The following NETO1 variants were observed in gnomAD, a reference collection of about 807,000 sequenced individuals.
NETO1 encodes the protein neuropilin and tolloid-like protein 1.
Under a neutral mutation model 61.3 loss-of-function variants are expected in NETO1, and 26 were observed. That is an observed-to-expected ratio of 0.42 (90% confidence interval 0.31 to 0.59). The LOEUF is 0.59. Among genes scored for constraint, NETO1 ranks in the 20% least tolerant of loss-of-function variants. NETO1 has a pLI of 0.12. For missense variants in NETO1, 531 were observed against 662.8 expected (o/e 0.80, Z 2.18); for synonymous variants, 225 against 225.8 (o/e 1.00, Z 0.03).
chr18:72,760,825 C>T (rs148726755), intron 7 of NETO1, among the ~76,000 whole-genome samples: 50 of 152,222 alleles, frequency 3.3e-4, no homozygotes, highest in African/African-American at 1.0e-3. Flanking sequence ...GATTTTCCAA[C>T]GTGAGTTACG....
chr18:72,754,496 T>TG (rs767753098), intron 8 of NETO1, among the ~76,000 whole-genome samples: 1 of 151,938 alleles, frequency 6.6e-6, no homozygotes, highest in Non-Finnish European at 1.5e-5. Context: ...AAAAGAAGAA[T>TG]GGAAACCAAA....
intron 6 of NETO1, among the ~76,000 whole-genome samples, chr18:72,788,526 A>G (rs1305912833): frequency 5.9e-5 from 9 of 152,116 alleles, no homozygotes; most frequent in Non-Finnish European, 7.4e-5. Flanking sequence ...TATTTAATGT[A>G]GCAAACTACA....
At chr18:72,867,145 G>A in intron 1 of NETO1, 119 bp downstream of exon 1, 1 of 687,064 alleles carries the variant, frequency 1.5e-6, no homozygotes, top group East Asian at 3.4e-5. Context: ...CCCGACCCGC[G>A]CGGGACTGCA....
At chr18:72,749,999 A>G in intron 9 of NETO1, 63 bp downstream of exon 9, 24 of 1,229,562 alleles carry the variant, frequency 2.0e-5, no homozygotes, top group Non-Finnish European at 2.7e-5. Flanking sequence ...ATAGAAGACA[A>G]TACTCTGGAA....
chr18:72,744,068 G>A lies in NETO1; in HGVS notation c.*4111C>T, dbSNP rs2070381276. 1 of 152,138 alleles carries A rather than the reference G, an allele frequency of 6.6e-6. No individual in the cohort carries two copies. The highest frequency in any genetic ancestry group is 2.1e-4 in the South Asian group (1 of 4,830). The allele number at this position is 152,138 out of a possible 1,614,324, so 9.4% of individuals were successfully genotyped here. ...AATACACAAGTCCAAAGCAGGTTGA[G>A]TTTATTTTTCCTACCTCTGAGGAAC... On this transcript the variant is annotated 3_prime_UTR_variant, in exon 11 of 11. Transcript: ENST00000327305.
intron 1 of NETO1, 59 bp downstream of exon 1, chr18:72,867,205 G>T: frequency 7.4e-7 from 1 of 1,357,040 alleles, no homozygotes; most frequent in East Asian, 2.7e-5. Flanking sequence ...TTCGGCCCCG[G>T]GAAAGGGGCG....
At chr18:72,842,632 C>T (rs894323466) in intron 4 of NETO1, among the ~76,000 whole-genome samples, 2 of 152,088 alleles carry the variant, frequency 1.3e-5, no homozygotes, top group Non-Finnish European at 2.9e-5. Flanking sequence ...AAAGATTGAA[C>T]AAATTGGTGT....
At chr18:72,756,231 A>T in intron 7 of NETO1, 84 bp from the exon 8 acceptor site, 1 of 663,522 alleles carries the variant, frequency 1.5e-6, no homozygotes, top group Middle Eastern at 3.1e-4. Context: ...ATCTAAAAAA[A>T]AAAGATTAGA....
At chr18:72,784,741 C>T (rs2071856691) in intron 6 of NETO1, among the ~76,000 whole-genome samples, 1 of 152,212 alleles carries the variant, frequency 6.6e-6, no homozygotes, top group African/African-American at 2.4e-5. Flanking sequence ...TTATTTGACT[C>T]TTTACTAATG....
In NETO1 at chr18:72,794,249, A is replaced by G. The variant is rs1388127431; in HGVS notation, c.512-5T>C. 3 of 1,614,068 alleles carry G rather than the reference A, an allele frequency of 1.9e-6. No individual in the cohort carries two copies. In the Admixed American group the frequency reaches 5.0e-5, roughly 27 times the overall value. ...CGCCCATCTCAAACTCACACGCTAAATAACAAAATGCCAAACAAACACACA... is the reference window on the plus strand; with the variant it reads ...CGCCCATCTCAAACTCACACGCTAAGTAACAAAATGCCAAACAAACACACA... On this transcript the variant is annotated splice_polypyrimidine_tract_variant and splice_region_variant and intron_variant, in intron 5 of 10. Coordinates refer to ENST00000327305, the MANE Select transcript of NETO1 (RefSeq NM_138966.5).
chr18:72,851,266 C>T (rs1025211439), intron 4 of NETO1, among the ~76,000 whole-genome samples: 5 of 152,046 alleles, frequency 3.3e-5, no homozygotes, highest in Admixed American at 6.6e-5. Context: ...ACAAAATTAG[C>T]CTGGCGTGGT....
chr18:72,860,137 T>C (rs2074526062), intron 3 of NETO1, among the ~76,000 whole-genome samples: 1 of 152,202 alleles, frequency 6.6e-6, no homozygotes, highest in South Asian at 2.1e-4. Flanking sequence ...TCAGCCAGGA[T>C]ACTCCAGAAT....
rs554660969 is a variant in NETO1 at position 72,801,280 on chromosome 18, CAATTATGTGAAATTACTA to C, written c.470-6894_470-6877del. On this transcript the variant is annotated intron_variant, in intron 4 of 10. Coordinates refer to ENST00000327305, the MANE Select transcript of NETO1 (RefSeq NM_138966.5). ...CTCTTCCTCAGTAAATAATATACTC[CAATTATGTGAAATTACTA>C]AAGTTTTTTAAATGTTATTGCAACT... Among the ~76,000 whole-genome samples the C allele has an allele frequency of 6.0e-3, 906 of 152,214 alleles. 6 individuals are homozygous for C. The highest frequency in any genetic ancestry group is 0.031 in the South Asian group (149 of 4,820).
intron 6 of NETO1, among the ~76,000 whole-genome samples, chr18:72,791,546 C>T (rs1211633278): frequency 1.3e-5 from 2 of 152,150 alleles, no homozygotes. Context: ...GGCAGCTTCC[C>T]CTTTGGGTCA....
rs116853097 is a variant in NETO1 at position 72,818,799 on chromosome 18, T to C, written c.470-24395A>G. Among the ~76,000 whole-genome samples the C allele has an allele frequency of 8.5e-4, 130 of 152,316 alleles. No homozygotes were observed. In the East Asian group the frequency reaches 0.02, roughly 24 times the overall value. On this transcript the variant is annotated intron_variant, in intron 4 of 10. Coordinates refer to ENST00000327305, the MANE Select transcript of NETO1 (RefSeq NM_138966.5). ...ATTTTTTCGTTTATCTATTAAATTA[T>C]AGAAACAAGCAACATGTTCTTTTAA...
rs982747927 is a variant in NETO1, at chr18:72,864,950, T to C, written c.83-5A>G. 9 of 1,457,636 alleles carry C rather than the reference T, an allele frequency of 6.2e-6. No homozygotes were observed. Among genetic ancestry groups the C allele is most frequent in the Non-Finnish European group, 8.3e-6 (9 of 1,079,660 alleles). The allele number at this position is 1,457,636 out of a possible 1,614,324, so 90.3% of individuals were successfully genotyped here. Reference sequence around the variant, plus strand: ...TTTCTGAGGTGGTTTGCTTTTCTGTTAAAAAAAAAAAAAAGTTTTAAAAAG... The same window carrying C: ...TTTCTGAGGTGGTTTGCTTTTCTGTCAAAAAAAAAAAAAAGTTTTAAAAAG... On this transcript the variant is annotated splice_polypyrimidine_tract_variant and splice_region_variant and intron_variant, in intron 2 of 10. Coordinates refer to ENST00000327305, the MANE Select transcript of NETO1 (RefSeq NM_138966.5).
At chr18:72,833,486 T>G (rs570463093) in intron 4 of NETO1, among the ~76,000 whole-genome samples, 2 of 152,316 alleles carry the variant, frequency 1.3e-5, no homozygotes, top group Non-Finnish European at 2.9e-5. Flanking sequence ...TAATCTGCCC[T>G]ATTTTGAACC....
chr18:72,761,548 C>T (rs2070973351), intron 7 of NETO1, among the ~76,000 whole-genome samples: 1 of 151,990 alleles, frequency 6.6e-6, no homozygotes, highest in Admixed American at 6.6e-5. Flanking sequence ...ACATTCAGAT[C>T]CCATCTTGGA....
intron 4 of NETO1, among the ~76,000 whole-genome samples, chr18:72,855,242 C>A (rs1181413837): frequency 6.6e-6 from 1 of 152,178 alleles, no homozygotes. Context: ...AGGGCATCAT[C>A]CACAGGGTGC....
Sources: allele counts gnomAD v4.1 joint callset (sites outside exome capture counted in the v4.1 genomes callset), GRCh38; gene constraint gnomAD v4.1.1; transcripts MANE v1.5; gene names NCBI Gene and HGNC (gene_info 2026-07-23, HGNC 2026-07-21).